GPC5: variants seen among roughly 807,000 people sequenced by gnomAD.
The protein encoded by GPC5 is glypican 5, also known as glypican-5.
A neutral mutation model predicts 53.9 loss-of-function variants in GPC5; 47 were observed. The observed-to-expected ratio is 0.87, with a 90% CI of 0.69 to 1.11. The LOEUF (loss-of-function observed/expected upper bound fraction) is 1.11, where lower values mean the gene tolerates loss of function less well. GPC5 is among the 50% of genes most tolerant of loss of function. The pLI is 0.00. For missense variants in GPC5, 748 were observed against 713.1 expected, an observed-to-expected ratio of 1.05 and a Z score of -0.56; for synonymous variants, 286 against 263.3, an observed-to-expected ratio of 1.09 and a Z score of -0.84.
chr13:92,825,933 T>C (rs1054730124), intron 7 of GPC5, among the ~76,000 whole-genome samples: 4 of 152,184 alleles, frequency 2.6e-5, no homozygotes, highest in African/African-American at 9.6e-5. Flanking sequence ...CATAGTTTTC[T>C]TTGGAATACA....
At chr13:92,477,720 A>G (rs1879208372) in intron 7 of GPC5, among the ~76,000 whole-genome samples, 1 of 152,152 alleles carries the variant, frequency 6.6e-6, no homozygotes, top group Non-Finnish European at 1.5e-5. Context: ...AGTCCCAGAA[A>G]TCTTTTTAGT....
chr13:92,522,363 C>T (rs952322695), intron 7 of GPC5, among the ~76,000 whole-genome samples: 7 of 152,116 alleles, frequency 4.6e-5, no homozygotes, highest in African/African-American at 1.7e-4. Flanking sequence ...GACTTGGAAC[C>T]AATCCAAATG....
At chr13:91,515,044 A>T (rs953551245) in intron 2 of GPC5, among the ~76,000 whole-genome samples, 9 of 152,230 alleles carry the variant, frequency 5.9e-5, no homozygotes, top group African/African-American at 2.2e-4. Flanking sequence ...GTTGTGTTAA[A>T]CCACCTTTCA....
At chr13:92,806,308 G>T (rs887888504) in intron 7 of GPC5, among the ~76,000 whole-genome samples, 5 of 152,020 alleles carry the variant, frequency 3.3e-5, no homozygotes, top group Admixed American at 1.3e-4. Flanking sequence ...TTAAGGCCTT[G>T]CTCTGGATTT....
chr13:92,477,188 G>T (rs1173036141), intron 7 of GPC5, among the ~76,000 whole-genome samples: 3 of 152,206 alleles, frequency 2.0e-5, no homozygotes, highest in East Asian at 1.9e-4. Context: ...GTCATTTCAG[G>T]AAACTATGGC....
chr13:92,482,863 G>C (rs1238040092), intron 7 of GPC5, among the ~76,000 whole-genome samples: 2 of 152,160 alleles, frequency 1.3e-5, no homozygotes, highest in African/African-American at 4.8e-5. Flanking sequence ...GTATTAGTCT[G>C]TTCTCACCCT....
At chr13:91,773,486 A>G (rs1336078127) in intron 5 of GPC5, among the ~76,000 whole-genome samples, 1 of 152,202 alleles carries the variant, frequency 6.6e-6, no homozygotes, top group East Asian at 1.9e-4. Context: ...TTCATGGTTT[A>G]TTAATGATAA....
chr13:91,937,619 T>C (rs1465193696), intron 6 of GPC5, among the ~76,000 whole-genome samples: 1 of 152,110 alleles, frequency 6.6e-6, no homozygotes, highest in African/African-American at 2.4e-5. Context: ...AAAAATATAG[T>C]TGGGCTTGTT....
intron 3 of GPC5, among the ~76,000 whole-genome samples, chr13:91,728,247 A>G (rs1207850389): frequency 6.6e-6 from 1 of 152,166 alleles, no homozygotes; most frequent in Admixed American, 6.6e-5. Flanking sequence ...TGTTACACAA[A>G]TAAGTCAGTT....
chr13:92,412,718 A>G (rs1876102640), intron 7 of GPC5, among the ~76,000 whole-genome samples: 1 of 152,150 alleles, frequency 6.6e-6, no homozygotes, highest in Non-Finnish European at 1.5e-5. Context: ...ATTATTTACC[A>G]TCTAGCCCTT....
chr13:91,784,842 C>G (rs182054610), intron 5 of GPC5, among the ~76,000 whole-genome samples: 1 of 152,138 alleles, frequency 6.6e-6, no homozygotes, highest in East Asian at 1.9e-4. Flanking sequence ...TTGGCAATAA[C>G]TAGATTAGAA....
chr13:92,417,149 CTG>C (rs1360549133), intron 7 of GPC5, among the ~76,000 whole-genome samples: 1 of 152,158 alleles, frequency 6.6e-6, no homozygotes, highest in Admixed American at 6.5e-5. Context: ...ATAAGTCAAA[CTG>C]TAATTAAGTT....
At chr13:92,577,325 T>C (rs1594317548) in intron 7 of GPC5, among the ~76,000 whole-genome samples, 1 of 152,062 alleles carries the variant, frequency 6.6e-6, no homozygotes, top group Non-Finnish European at 1.5e-5. Context: ...GGCAAGCTAT[T>C]AATAGCTACC....
chr13:92,104,127 C>G (rs2041488607), intron 6 of GPC5, among the ~76,000 whole-genome samples: 1 of 152,074 alleles, frequency 6.6e-6, no homozygotes, highest in Non-Finnish European at 1.5e-5. Context: ...AGGGAACTGC[C>G]AGGTTAAACA....
chr13:91,564,650 T>C (rs1481232419), intron 2 of GPC5, among the ~76,000 whole-genome samples: 3 of 152,296 alleles, frequency 2.0e-5, no homozygotes, highest in African/African-American at 7.2e-5. Flanking sequence ...CTAATCTCTG[T>C]CATCTTAATG....
intron 7 of GPC5, among the ~76,000 whole-genome samples, chr13:92,629,417 G>A (rs749123895): frequency 5.3e-5 from 8 of 152,068 alleles, no homozygotes; most frequent in Non-Finnish European, 1.2e-4. Flanking sequence ...GTATTGTGGG[G>A]GGATTATTTC....
chr13:92,278,982 T>C (rs1046516550), intron 7 of GPC5, among the ~76,000 whole-genome samples: 1 of 152,106 alleles, frequency 6.6e-6, no homozygotes, highest in Non-Finnish European at 1.5e-5. Context: ...TTTTTTTTCT[T>C]TCAGTGTTGT....
chr13:92,670,508 C>T (rs1161645699), intron 7 of GPC5, among the ~76,000 whole-genome samples: 2 of 152,202 alleles, frequency 1.3e-5, no homozygotes, highest in Non-Finnish European at 2.9e-5. Context: ...TATCAGCCAT[C>T]TCTCAGTGCT....
chr13:91,639,149 C>T (rs2034357098), intron 2 of GPC5, among the ~76,000 whole-genome samples: 1 of 152,082 alleles, frequency 6.6e-6, no homozygotes, highest in South Asian at 2.1e-4. Context: ...TCTTCCCCAG[C>T]ACAGGTGTGT....
Sources: allele counts gnomAD v4.1 joint callset (sites outside exome capture counted in the v4.1 genomes callset), GRCh38; gene constraint gnomAD v4.1.1; transcripts MANE v1.5; gene names NCBI Gene and HGNC (gene_info 2026-07-23, HGNC 2026-07-21).